The following FREM2 variants were observed in gnomAD, a reference collection of about 807,000 sequenced individuals.
FREM2 encodes the protein FRAS1 related extracellular matrix 2, also known as FRAS1-related extracellular matrix protein 2.
Under a neutral mutation model 219.9 loss-of-function variants are expected in FREM2, and 119 were observed. The observed-to-expected ratio is 0.54, with a 90% confidence interval of 0.47 to 0.63. The LOEUF (loss-of-function observed/expected upper bound fraction) is 0.63, where lower values mean the gene tolerates loss of function less well. FREM2 is among the 30% of genes least tolerant of loss of function. FREM2 has a pLI of 0.00. For missense variants in FREM2, 4,030 were observed against 3,993.6 expected (o/e 1.01, Z -0.25); for synonymous variants, 1,562 against 1,522.8 (o/e 1.03, Z -0.60).
intron 2 of FREM2, among the ~76,000 whole-genome samples, chr13:38,741,909 C>G (rs2137781403): frequency 6.6e-6 from 1 of 152,174 alleles, no homozygotes; most frequent in South Asian, 2.1e-4. Flanking sequence ...TGAGGCTTTT[C>G]TATGTACTTT....
At chr13:38,781,759 G>A (rs997610216) in intron 4 of FREM2, among the ~76,000 whole-genome samples, 1 of 152,072 alleles carries the variant, frequency 6.6e-6, no homozygotes, top group Non-Finnish European at 1.5e-5. Context: ...AGAAAGGAGG[G>A]GGCAAAGATC....
chr13:38,821,867 T>C (rs1876071503), intron 6 of FREM2: 1 of 152,214 alleles, frequency 6.6e-6, no homozygotes, highest in Admixed American at 6.6e-5. Flanking sequence ...AGGCTCCCCA[T>C]GCAGTGACGG....
chr13:38,727,486 AAAAC>A (rs1871579071), intron 2 of FREM2, among the ~76,000 whole-genome samples: 1 of 152,226 alleles, frequency 6.6e-6, no homozygotes, highest in African/African-American at 2.4e-5. Flanking sequence ...CTCAAAAAAC[AAAAC>A]AAAACAAACA....
intron 2 of FREM2, among the ~76,000 whole-genome samples, chr13:38,755,154 G>GC (rs980206573): frequency 3.0e-4 from 45 of 151,938 alleles, no homozygotes; most frequent in African/African-American, 8.5e-4. Flanking sequence ...GCCTGCCTCG[G>GC]CCCCCCAAAG....
At chr13:38,786,717 G>C (rs866655657) in intron 6 of FREM2, among the ~76,000 whole-genome samples, 2 of 151,784 alleles carry the variant, frequency 1.3e-5, no homozygotes, top group Non-Finnish European at 2.9e-5. Context: ...GATTGCTATG[G>C]GATGCACATG....
At chr13:38,793,261 C>A (rs2137840919) in intron 6 of FREM2, among the ~76,000 whole-genome samples, 1 of 152,276 alleles carries the variant, frequency 6.6e-6, no homozygotes, top group East Asian at 1.9e-4. Context: ...AACAGACAAG[C>A]ATAAAATAAA....
chr13:38,691,325 A>C lies in FREM2; in HGVS notation c.3981A>C (p.Leu1327Phe), dbSNP rs1002724849. 2 of 1,613,830 alleles carry C rather than the reference A, an allele frequency of 1.2e-6. No homozygotes were observed. The highest frequency in any genetic ancestry group is 2.7e-5 in the African/African-American group (2 of 74,922). The change falls in exon 1 of 24, where the codon TTA becomes TTC. Residue 1327 changes from leucine to phenylalanine, a missense_variant. Coordinates refer to ENST00000280481, the MANE Select transcript of FREM2 (RefSeq NM_207361.6). ...GDTKIINNKI[L>F]MATDLDSEDK... Reference sequence around the variant, plus strand: ...CCAAGATTATCAACAACAAAATATTAATGGCAACAGATTTAGATTCAGAAG... The same window carrying C: ...CCAAGATTATCAACAACAAAATATTCATGGCAACAGATTTAGATTCAGAAG...
rs61978626 is a variant in FREM2, at chr13:38,861,446, G to T, written c.7535G>T (p.Arg2512Leu). Residue 2512 changes from arginine (R) to leucine (L), a missense_variant, in exon 15 of 24, where the codon CGT becomes CTT. By Grantham distance (102) the Arg-to-Leu change is moderately radical. This residue lies in a region of FREM2 where 928 missense variants were observed against 1,042.9 expected (regional missense o/e 0.89). Coordinates refer to ENST00000280481, the MANE Select transcript of FREM2 (RefSeq NM_207361.6). ...TTTTTTCAAGGTCTTTGTCAGCCCC[G>T]TGTACCTGGGGTTGTTGGAGCAGAG... ...ISREEGLCQP[R>L]VPGVVGAEPF... 4 of 1,551,602 alleles carry T rather than the reference G, an allele frequency of 2.6e-6. No individual in the cohort carries two copies. The highest frequency in any genetic ancestry group is 1.7e-5 in the Admixed American group (1 of 57,274).
intron 6 of FREM2, among the ~76,000 whole-genome samples, chr13:38,818,585 A>G (rs143618498): frequency 2.0e-4 from 30 of 152,232 alleles, no homozygotes; most frequent in African/African-American, 7.0e-4. Context: ...TAATAGGTAC[A>G]TGTTACAATT....
rs751915292 is a variant in FREM2, at chr13:38,880,333, C to T, written c.9056C>T (p.Ser3019Leu). The T allele has an allele frequency of 4.0e-5, 65 of 1,613,714 alleles. 1 individual carries two copies. Among genetic ancestry groups the T allele is most frequent in the South Asian group, 2.6e-4 (24 of 91,050 alleles). Residue 3019 changes from serine (S) to leucine (L), a missense_variant, in exon 24 of 24, where the codon TCG becomes TTG. Coordinates refer to ENST00000280481, the MANE Select transcript of FREM2 (RefSeq NM_207361.6). ...WYIHTIYTVR[S>L]KDNANRGIGK... ...ATACATACGATCTATACAGTGAGATCGAAAGACAATGCCAATCGAGGTATT... is the reference window on the plus strand; with the variant it reads ...ATACATACGATCTATACAGTGAGATTGAAAGACAATGCCAATCGAGGTATT...
chr13:38,687,173 C>G lies in FREM2; in HGVS notation c.-172C>G, dbSNP rs1447679699. ...CGGCTCCTCGGCTGCGGCTCCAGCC[C>G]GGACGGCGCCGCGCAACTTTGCCAT... On this transcript the variant is annotated 5_prime_UTR_variant, in exon 1 of 24. Transcript: ENST00000280481. 2.2e-6 allele frequency: 2 copies of G among 904,432 alleles called. No individual in the cohort carries two copies. The highest frequency in any genetic ancestry group is 1.7e-5 in the South Asian group (1 of 59,726). The allele number at this position is 904,432 out of a possible 1,614,324, so 56.0% of individuals were successfully genotyped here.
At chr13:38,785,962 A>G (rs1874311392) in intron 6 of FREM2, among the ~76,000 whole-genome samples, 1 of 152,210 alleles carries the variant, frequency 6.6e-6, no homozygotes, top group East Asian at 1.9e-4. Flanking sequence ...GCATATTCAT[A>G]GGGTACATAA....
intron 2 of FREM2, among the ~76,000 whole-genome samples, chr13:38,754,473 G>C (rs1872901924): frequency 6.6e-6 from 1 of 152,138 alleles, no homozygotes; most frequent in South Asian, 2.1e-4. Context: ...GGAAGTATAG[G>C]AATAATATTA....
chr13:38,780,669 C>T (rs181072630), intron 4 of FREM2, among the ~76,000 whole-genome samples: 1 of 152,314 alleles, frequency 6.6e-6, no homozygotes, highest in East Asian at 1.9e-4. Flanking sequence ...GCAGCACAAC[C>T]TACAGCAACC....
At position 38,822,284 on chromosome 13, in the gene FREM2, G is replaced by A. The variant is rs199597891; in HGVS notation, c.6020-24289G>A. Among the ~76,000 whole-genome samples, 13 of 151,336 alleles carry A rather than the reference G, an allele frequency of 8.6e-5. No individual in the cohort carries two copies. The East Asian group carries it at 2.3e-3, about 27-fold the overall frequency. ...CAAACAATGGGTTTCACAGGCCCAG[G>A]AAGTATACTACAGAGCTGAAGCTCT... On this transcript the variant is annotated intron_variant, in intron 6 of 23. Transcript: ENST00000280481.
intron 4 of FREM2, among the ~76,000 whole-genome samples, chr13:38,772,056 C>G (rs184643625): frequency 1.3e-5 from 2 of 152,240 alleles, no homozygotes; most frequent in Admixed American, 6.5e-5. Flanking sequence ...CTTTTGTACT[C>G]TCTCTCCAGC....
rs1878716367 is a variant in FREM2 at position 38,886,094 on chromosome 13, G to A, written c.*5307G>A. The A allele has an allele frequency of 1.3e-5, 2 of 151,990 alleles. No individual in the cohort carries two copies. The highest frequency in any genetic ancestry group is 4.8e-5 in the African/African-American group (2 of 41,380). The allele number at this position is 151,990 out of a possible 1,614,324, so 9.4% of individuals were successfully genotyped here. A position where few individuals can be genotyped will look rare whatever the true frequency, so the allele number is the denominator to read the frequency against. On this transcript the variant is annotated 3_prime_UTR_variant, in exon 24 of 24. Transcript: ENST00000280481. ...ATGTTTGGATCATCCTCTCAGATAA[G>A]AATTGTCAGTATTGCACCTCAAGAA...
At chr13:38,867,584 C>T (rs570167020) in intron 16 of FREM2, among the ~76,000 whole-genome samples, 12 of 152,312 alleles carry the variant, frequency 7.9e-5, no homozygotes, top group African/African-American at 2.6e-4. Context: ...CTCACGAGAT[C>T]GTAGAGACTG....
chr13:38,691,680 A>G lies in FREM2; in HGVS notation c.4336A>G (p.Thr1446Ala). ...KVTLTTDLLS[T>A]SDLNSPDENL... Reference sequence around the variant, plus strand: ...CACTCTTACAACAGACCTACTAAGCACTAGTGACTTGAACAGTCCTGATGA... The same window carrying G: ...CACTCTTACAACAGACCTACTAAGCGCTAGTGACTTGAACAGTCCTGATGA... The change falls in exon 1 of 24, where the codon ACT becomes GCT. Residue 1446 changes from threonine (T) to alanine (A), a missense_variant. Physicochemically the swap from Thr to Ala is moderately conservative, Grantham distance 58 (BLOSUM62 0). Transcript: ENST00000280481. The G allele has an allele frequency of 6.2e-7, 1 of 1,614,152 alleles. No individual in the cohort carries two copies. Among genetic ancestry groups the G allele is most frequent in the Non-Finnish European group, 8.5e-7 (1 of 1,180,008 alleles).
Sources: allele counts gnomAD v4.1 joint callset (sites outside exome capture counted in the v4.1 genomes callset), GRCh38; gene constraint gnomAD v4.1.1; regional missense constraint gnomAD v4.1.1; transcripts MANE v1.5; gene names NCBI Gene and HGNC (gene_info 2026-07-23, HGNC 2026-07-21).